UTP4: variants seen among roughly 807,000 people sequenced by gnomAD.
UTP4 encodes the protein UTP4 small subunit processome component.
In UTP4, 45 loss-of-function variants were observed where a neutral mutation model predicts 82.4. That is an observed-to-expected ratio of 0.55 (90% confidence interval 0.43 to 0.70). The LOEUF (loss-of-function observed/expected upper bound fraction) is 0.70, where lower values mean the gene tolerates loss of function less well. Among genes scored for constraint, UTP4 ranks in the 30% least tolerant of loss-of-function variants. The pLI is 0.00. For synonymous variants in UTP4, 348 were observed against 300.3 expected (o/e 1.16, Z -1.64); for missense variants, 819 against 858.3 (o/e 0.95, Z 0.57).
chr16:69,164,923 C>T (rs1354119342), intron 14 of UTP4, among the ~76,000 whole-genome samples: 3 of 152,098 alleles, frequency 2.0e-5, no homozygotes, highest in African/African-American at 4.8e-5. Flanking sequence ...GGGCAGGGCG[C>T]GGTGGCTCAC....
At chr16:69,161,563 T>A (rs1963562178) in intron 13 of UTP4, among the ~76,000 whole-genome samples, 1 of 151,850 alleles carries the variant, frequency 6.6e-6, no homozygotes, top group South Asian at 2.1e-4. Context: ...GACTCCCTAT[T>A]CAATGACACA....
chr16:69,153,365 C>G (rs865811849), intron 8 of UTP4, among the ~76,000 whole-genome samples: 2 of 151,872 alleles, frequency 1.3e-5, no homozygotes, highest in East Asian at 3.9e-4. Context: ...TCTGTGTCAC[C>G]CCTTTAGAAG....
Position 69,139,835 on chromosome 16 carries a change from G to A in UTP4, c.447G>A (p.Leu149=). 1 of 1,613,444 alleles carries A rather than the reference G, an allele frequency of 6.2e-7. No homozygotes were observed. The part of the protein sequence containing the change: ...RNFDRQKSRI[L]SLSWHPSGTH... Reference sequence around the variant, plus strand: ...TGTCCAACTCCCAAGGTCGCATCCTGAGTCTCAGCTGGCATCCCTCTGGTA... The same window carrying A: ...TGTCCAACTCCCAAGGTCGCATCCTAAGTCTCAGCTGGCATCCCTCTGGTA... Residue 149 remains leucine (L), a synonymous_variant, in exon 5 of 17, where the codon CTG becomes CTA. Coordinates refer to ENST00000314423, the MANE Select transcript of UTP4 (RefSeq NM_032830.3).
At chr16:69,147,450 A>G (rs1307535318) in intron 6 of UTP4, among the ~76,000 whole-genome samples, 1 of 151,706 alleles carries the variant, frequency 6.6e-6, no homozygotes, top group Admixed American at 6.6e-5. Flanking sequence ...GGTTGCAGTG[A>G]TCTGAGATCA....
chr16:69,160,321 G>A (rs757032836), intron 12 of UTP4, 35 bp from the exon 13 acceptor site: 28 of 1,543,248 alleles, frequency 1.8e-5, no homozygotes, highest in Middle Eastern at 1.7e-4. Context: ...TGGACACTGT[G>A]TGAATTCAGA....
At chr16:69,165,864 T>C in intron 15 of UTP4, 1 of 425,704 alleles carries the variant, frequency 2.3e-6, no homozygotes, top group East Asian at 5.1e-5. Context: ...CATCCGGAAG[T>C]ATCATTGATT....
chr16:69,151,179 T>C (rs1963253558), intron 8 of UTP4, among the ~76,000 whole-genome samples: 1 of 151,978 alleles, frequency 6.6e-6, no homozygotes, highest in East Asian at 1.9e-4. Flanking sequence ...GCTAATTTTA[T>C]ATCTTTAGTA....
chr16:69,146,743 T>C (rs11859578), intron 6 of UTP4, among the ~76,000 whole-genome samples: 11,103 of 151,432 alleles, frequency 0.073, 537 homozygotes, highest in African/African-American at 0.13. Context: ...ACGCCTGTAA[T>C]CCTAGCACTT....
At chr16:69,145,713 G>A (rs1462583503) in intron 6 of UTP4, among the ~76,000 whole-genome samples, 5 of 152,000 alleles carry the variant, frequency 3.3e-5, no homozygotes, top group African/African-American at 1.2e-4. Flanking sequence ...GCTCCTCAGG[G>A]CCACCTTATG....
intron 2 of UTP4, 58 bp downstream of exon 2, chr16:69,133,676 G>A: frequency 1.3e-6 from 2 of 1,563,212 alleles, no homozygotes; most frequent in East Asian, 2.2e-5. Context: ...TGAAGTTCAA[G>A]AAGCTTGTAT....
intron 5 of UTP4, 80 bp from the exon 6 acceptor site, chr16:69,143,098 T>C: frequency 6.9e-7 from 1 of 1,441,782 alleles, no homozygotes; most frequent in African/African-American, 1.4e-5. Flanking sequence ...GCTCAAGCAG[T>C]CCTTCCACTT....
At chr16:69,137,920 T>C in intron 4 of UTP4, 35 bp downstream of exon 4, 1 of 1,293,740 alleles carries the variant, frequency 7.7e-7, no homozygotes, top group Non-Finnish European at 1.1e-6. Context: ...GTAAATAGCC[T>C]TAACAAGAAA....
At chr16:69,148,269 G>A (rs781319279) in intron 6 of UTP4, among the ~76,000 whole-genome samples, 1 of 151,236 alleles carries the variant, frequency 6.6e-6, no homozygotes, top group Non-Finnish European at 1.5e-5. Context: ...CCTAATTTTT[G>A]TATTTTTAAT....
At position 69,133,630 on chromosome 16, in the gene UTP4, G is replaced by A. The variant is rs767650795; in HGVS notation, c.159+12G>A. ...ACTTTCAGGAGAAAGTAAGTCATTT[G>A]GGAGTCTGATATGGTGTTTTGATGT... On this transcript the variant is annotated intron_variant, in intron 2 of 16. Transcript: ENST00000314423. 1.2e-5 allele frequency: 20 copies of A among 1,613,420 alleles called. No homozygotes were observed. In the African/African-American group the frequency reaches 2.4e-4, roughly 19 times the overall value.
intron 2 of UTP4, among the ~76,000 whole-genome samples, chr16:69,133,857 A>G (rs1244088726): frequency 6.6e-6 from 1 of 152,158 alleles, no homozygotes; most frequent in African/African-American, 2.4e-5. Context: ...TGTCATTGGA[A>G]ACTGAGGTTT....
At chr16:69,159,959 C>T (rs1447492571) in intron 12 of UTP4, among the ~76,000 whole-genome samples, 1 of 147,208 alleles carries the variant, frequency 6.8e-6, no homozygotes, top group Non-Finnish European at 1.5e-5. Context: ...CACTCCAGCC[C>T]GAGTGACAGA....
At chr16:69,135,394 C>A (rs928986454) in intron 2 of UTP4, among the ~76,000 whole-genome samples, 1 of 151,914 alleles carries the variant, frequency 6.6e-6, no homozygotes, top group African/African-American at 2.4e-5. Context: ...CAGTGACTCT[C>A]AGAGCAAGAA....
At position 69,137,880 on chromosome 16, in the gene UTP4, A is replaced by C. The variant is rs764657942; in HGVS notation, c.431A>C (p.Gln144Pro). The C allele has an allele frequency of 6.2e-7, 1 of 1,601,848 alleles. No individual in the cohort carries two copies. ...KIQFERNFDR[Q>P]KSRILSLSWH... ...CAGTTTGAAAGAAATTTTGATCGGC[A>C]GAAAAGTAAGCGTCATTTTTCATGG... The change falls in exon 4 of 17, where the codon CAG becomes CCG. Residue 144 changes from glutamine (Q) to proline (P), a missense_variant. Coordinates refer to ENST00000314423, the MANE Select transcript of UTP4 (RefSeq NM_032830.3).
chr16:69,153,661 G>A lies in UTP4; in HGVS notation c.1080G>A (p.Leu360=). ...CTCATCACTTAGAACTTTGGCGACT[G>A]GGATCCACAGTTGCAACAGGTAAGA... ...QFAHHLELWR[L]GSTVATGKNG... is the part of the protein sequence containing the mutation. Residue 360 remains leucine, a synonymous_variant, in exon 9 of 17, where the codon CTG becomes CTA. Coordinates refer to ENST00000314423, the MANE Select transcript of UTP4 (RefSeq NM_032830.3). 1 of 1,612,644 alleles carries A rather than the reference G, an allele frequency of 6.2e-7. No homozygotes were observed. The highest frequency in any genetic ancestry group is 1.1e-5 in the South Asian group (1 of 90,700).
Sources: gnomAD v4.1 joint callset for allele counts (sites outside exome capture counted in the v4.1 genomes callset) on GRCh38, gnomAD v4.1.1 for gene constraint, MANE v1.5 for transcripts, NCBI Gene and HGNC (gene_info 2026-07-23, HGNC 2026-07-21) for gene names.